PPP2R5E: variants seen among roughly 807,000 people sequenced by gnomAD.
The protein encoded by PPP2R5E is protein phosphatase 2 regulatory subunit B'epsilon.
In PPP2R5E, 4 loss-of-function variants were observed where a neutral mutation model predicts 65.3. The ratio of observed to expected loss-of-function variants is 0.06; its 90% CI spans 0.03 to 0.14. The LOEUF (loss-of-function observed/expected upper bound fraction) is 0.14. Ranked by LOEUF, PPP2R5E falls within the 10% of genes least tolerant of loss-of-function variation. PPP2R5E has a pLI of 1.00. For missense variants in PPP2R5E, 274 were observed against 556.1 expected (o/e 0.49, Z 5.10); for synonymous variants, 183 against 187.4 (o/e 0.98, Z 0.19).
At chr14:63,523,726 A>AC (rs1248179511) in intron 2 of PPP2R5E, among the ~76,000 whole-genome samples, 1 of 150,764 alleles carries the variant, frequency 6.6e-6, no homozygotes, top group Non-Finnish European at 1.5e-5. Context: ...TTAAAAAAAA[A>AC]AACAAAGGTT....
intron 6 of PPP2R5E, among the ~76,000 whole-genome samples, 161 bp downstream of exon 6, chr14:63,396,425 G>A (rs1337704355): frequency 2.0e-5 from 3 of 147,094 alleles, no homozygotes; most frequent in East Asian, 4.1e-4. Context: ...AGGAGGGGGA[G>A]GGGGTAGAGG....
At chr14:63,541,362 T>C (rs1893898653) in intron 1 of PPP2R5E, among the ~76,000 whole-genome samples, 1 of 152,258 alleles carries the variant, frequency 6.6e-6, no homozygotes, top group Non-Finnish European at 1.5e-5. Context: ...CCTTGAGGTT[T>C]AGACCTTGAA....
At chr14:63,457,995 A>T (rs1594895614) in intron 2 of PPP2R5E, among the ~76,000 whole-genome samples, 1 of 152,244 alleles carries the variant, frequency 6.6e-6, no homozygotes, top group East Asian at 1.9e-4. Context: ...TCTTTATATC[A>T]CCGTCTTCCA....
intron 2 of PPP2R5E, among the ~76,000 whole-genome samples, chr14:63,473,866 G>C (rs1890261621): frequency 6.6e-6 from 1 of 152,132 alleles, no homozygotes; most frequent in Admixed American, 6.5e-5. Flanking sequence ...GAAAAGCCAA[G>C]GTGAAAAGAA....
At chr14:63,433,237 C>T (rs774077147) in intron 3 of PPP2R5E, among the ~76,000 whole-genome samples, 63 of 151,952 alleles carry the variant, frequency 4.1e-4, no homozygotes, top group Admixed American at 7.9e-4. Context: ...GGGATTTCAC[C>T]ATGTTGCTCA....
chr14:63,466,271 T>C (rs575160785), intron 2 of PPP2R5E, among the ~76,000 whole-genome samples: 149 of 101,440 alleles, frequency 1.5e-3, no homozygotes, highest in Non-Finnish European at 2.5e-3. Flanking sequence ...GTTTTAAAAA[T>C]ACAAAAAAAA....
At chr14:63,404,202 A>T (rs1010514066) in intron 5 of PPP2R5E, among the ~76,000 whole-genome samples, 2 of 152,238 alleles carry the variant, frequency 1.3e-5, no homozygotes, top group Admixed American at 6.5e-5. Flanking sequence ...AAAAGTCATT[A>T]AGAGCAAAAG....
At chr14:63,431,620 T>A (rs1887676452) in intron 3 of PPP2R5E, among the ~76,000 whole-genome samples, 2 of 152,160 alleles carry the variant, frequency 1.3e-5, no homozygotes, top group African/African-American at 4.8e-5. Context: ...CATATCTTTA[T>A]CATAAAACTG....
intron 2 of PPP2R5E, among the ~76,000 whole-genome samples, chr14:63,493,154 G>A (rs1891364658): frequency 6.6e-6 from 1 of 151,906 alleles, no homozygotes; most frequent in East Asian, 1.9e-4. Flanking sequence ...TAACTCCTTT[G>A]TGTAAAGCAC....
At chr14:63,536,608 G>C (rs1315784005) in intron 2 of PPP2R5E, among the ~76,000 whole-genome samples, 3 of 152,302 alleles carry the variant, frequency 2.0e-5, no homozygotes, top group East Asian at 1.9e-4. Context: ...TAGCCTGAAG[G>C]TGGAAGCAAC....
Position 63,467,349 on chromosome 14 carries a change from T to G in PPP2R5E, c.158-13464A>C, listed in dbSNP as rs191990349. On this transcript the variant is annotated intron_variant, in intron 2 of 13. Transcript: ENST00000337537. ...AGTCACTGAAACCTAAAGATATGCA[T>G]GCTTACAGTGCAATTCTAAGCACAG... Among the ~76,000 whole-genome samples, 7 of 152,268 alleles carry G rather than the reference T, an allele frequency of 4.6e-5. No individual in the cohort carries two copies. In the East Asian group the frequency reaches 1.4e-3, roughly 29 times the overall value.
intron 2 of PPP2R5E, among the ~76,000 whole-genome samples, chr14:63,514,667 T>C (rs1398117206): frequency 6.6e-6 from 1 of 152,162 alleles, no homozygotes; most frequent in African/African-American, 2.4e-5. Flanking sequence ...GCAGGTACTC[T>C]AAGCAGCGAA....
intron 3 of PPP2R5E, among the ~76,000 whole-genome samples, chr14:63,430,405 A>ACATG (rs1555359703): frequency 3.5e-5 from 5 of 144,072 alleles, no homozygotes; most frequent in African/African-American, 8.6e-5. Context: ...ATACATGCAT[A>ACATG]CATACATACA....
intron 5 of PPP2R5E, among the ~76,000 whole-genome samples, chr14:63,402,566 A>G (rs1196730572): frequency 3.3e-5 from 5 of 152,210 alleles, no homozygotes; most frequent in African/African-American, 1.2e-4. Flanking sequence ...AATATGCTGG[A>G]TCCTTGAAAT....
intron 2 of PPP2R5E, among the ~76,000 whole-genome samples, chr14:63,492,928 T>C (rs1443912357): frequency 6.6e-6 from 1 of 152,138 alleles, no homozygotes; most frequent in Non-Finnish European, 1.5e-5. Flanking sequence ...GATACCAGGC[T>C]TCACTTTGTC....
chr14:63,421,322 G>C (rs1887009527), intron 4 of PPP2R5E, among the ~76,000 whole-genome samples: 2 of 152,076 alleles, frequency 1.3e-5, no homozygotes, highest in Non-Finnish European at 2.9e-5. Context: ...CACAAGGAAG[G>C]AACGAGCTGG....
rs541463342 is a variant in PPP2R5E at position 63,380,754 on chromosome 14, C to T, written c.1304+1302G>A. Reference sequence around the variant, plus strand: ...ATCCCAATATTCTGGGTAAAAAATCCCAGCCTCTTCTGAGATTCTCAGCTA... The same window carrying T: ...ATCCCAATATTCTGGGTAAAAAATCTCAGCCTCTTCTGAGATTCTCAGCTA... On this transcript the variant is annotated intron_variant, in intron 13 of 13. Transcript: ENST00000337537. 3.9e-5 allele frequency among the ~76,000 whole-genome samples: 6 copies of T among 152,088 alleles called. No homozygotes were observed. In the East Asian group the frequency reaches 5.8e-4, roughly 15 times the overall value.
At chr14:63,380,264 C>A (rs537280639) in intron 13 of PPP2R5E, among the ~76,000 whole-genome samples, 99 of 152,184 alleles carry the variant, frequency 6.5e-4, no homozygotes, top group Non-Finnish European at 1.1e-3. Flanking sequence ...TTAAAATGTA[C>A]CCTTGGCCGT....
rs371195195 is a variant in PPP2R5E, at chr14:63,485,603, G to A, written c.158-31718C>T. 1.1e-4 allele frequency among the ~76,000 whole-genome samples: 17 copies of A among 151,822 alleles called. 1 individual carries two copies. Among genetic ancestry groups the A allele is most frequent in the African/African-American group, 3.1e-4 (13 of 41,374 alleles). On this transcript the variant is annotated intron_variant, in intron 2 of 13. Coordinates refer to ENST00000337537, the MANE Select transcript of PPP2R5E (RefSeq NM_006246.5). ...CTAATTTTGTATTTTTAGTAGAGAC[G>A]GGGTTTCTCCATGTTGGTCAGGCTG... is the stretch of plus-strand genomic sequence containing the variant.
Sources: gnomAD v4.1 joint callset for allele counts (sites outside exome capture counted in the v4.1 genomes callset) on GRCh38, gnomAD v4.1.1 for gene constraint, MANE v1.5 for transcripts, NCBI Gene and HGNC (gene_info 2026-07-23, HGNC 2026-07-21) for gene names.